Variants in TMTC3 observed in about 807,000 individuals in gnomAD.
TMTC3 encodes protein O-mannosyl-transferase TMTC3.
Under a neutral mutation model 92.2 loss-of-function variants are expected in TMTC3, and 52 were observed. The ratio of observed to expected loss-of-function variants is 0.56; its 90% CI spans 0.45 to 0.71. The LOEUF is 0.71. Ranked by LOEUF, TMTC3 falls within the 30% of genes least tolerant of loss-of-function variation. The pLI is 0.00. For missense variants in TMTC3, 896 were observed against 1,057.1 expected (o/e 0.85, Z 2.11); for synonymous variants, 339 against 363.3 (o/e 0.93, Z 0.76).
chr12:88,142,352 G>C lies in TMTC3; in HGVS notation c.-164G>C. On this transcript the variant is annotated 5_prime_UTR_variant, in exon 1 of 14. Transcript: ENST00000266712. Reference sequence around the variant, plus strand: ...GCGGCGGGGAAGGACCGAGAGGCGGGAGGAGCAGCGGCTCAGGCGCCTGCA... The same window carrying C: ...GCGGCGGGGAAGGACCGAGAGGCGGCAGGAGCAGCGGCTCAGGCGCCTGCA... 6.5e-6 allele frequency: 1 copy of C among 152,818 alleles called. No homozygotes were observed. Among genetic ancestry groups the C allele is most frequent in the East Asian group, 1.9e-4 (1 of 5,196 alleles). 9.5% of individuals were successfully genotyped at this position (152,818 alleles called of 1,614,324 possible).
In TMTC3 at chr12:88,172,745, G is replaced by C. The variant is rs764525645; in HGVS notation, c.1199G>C (p.Ser400Thr). 1 of 1,591,656 alleles carries C rather than the reference G, an allele frequency of 6.3e-7. No homozygotes were observed. The highest frequency in any genetic ancestry group is 1.8e-5 in the Admixed American group (1 of 54,496). ...GGATGGCAGAAAATATCAACAAAAAGGTGAATTTAAATGTCAGTTCATGTA... is the reference window on the plus strand; with the variant it reads ...GGATGGCAGAAAATATCAACAAAAACGTGAATTTAAATGTCAGTTCATGTA... Reference protein sequence around the residue: ...AHGWQKISTKSVFKKLSWICL... With the variant: ...AHGWQKISTKTVFKKLSWICL... The change falls in exon 8 of 14, where the codon AGT becomes ACT. Residue 400 changes from serine (S) to threonine (T), a missense_variant and splice_region_variant. Ser to Thr is a moderately conservative substitution (Grantham distance 58). Transcript: ENST00000266712.
chr12:88,174,777 G>A, intron 9 of TMTC3, 50 bp downstream of exon 9: 2 of 1,603,488 alleles, frequency 1.2e-6, no homozygotes, highest in Non-Finnish European at 1.7e-6. Context: ...GTGATTTCTT[G>A]GAACAATTTC....
chr12:88,169,387 A>C (rs1455164461), intron 7 of TMTC3, among the ~76,000 whole-genome samples: 1 of 152,200 alleles, frequency 6.6e-6, no homozygotes, highest in Non-Finnish European at 1.5e-5. Context: ...TCAGCAAATA[A>C]AATAATGGTG....
intron 4 of TMTC3, among the ~76,000 whole-genome samples, chr12:88,157,343 TGC>T (rs2041023936): frequency 6.6e-6 from 1 of 151,638 alleles, no homozygotes; most frequent in Admixed American, 6.6e-5. Flanking sequence ...CACTGGCCTG[TGC>T]AAAGGTTTTC....
chr12:88,195,835 C>A lies in TMTC3; in HGVS notation c.*186C>A. Reference sequence around the variant, plus strand: ...ATCCCAGGATGTATATTATGTATCGCTGTTTTCAGAGTGTGGGTGAATATA... The same window carrying A: ...ATCCCAGGATGTATATTATGTATCGATGTTTTCAGAGTGTGGGTGAATATA... On this transcript the variant is annotated 3_prime_UTR_variant, in exon 14 of 14. Transcript: ENST00000266712. The A allele has an allele frequency of 2.2e-6, 1 of 446,882 alleles. No homozygotes were observed. The highest frequency in any genetic ancestry group is 3.9e-6 in the Non-Finnish European group (1 of 256,574). 27.7% of individuals were successfully genotyped at this position (446,882 alleles called of 1,614,324 possible).
At chr12:88,177,694 CATT>C (rs2041274979) in intron 10 of TMTC3, among the ~76,000 whole-genome samples, 3 of 152,156 alleles carry the variant, frequency 2.0e-5, no homozygotes, top group African/African-American at 7.2e-5. Flanking sequence ...CAAATGCCAT[CATT>C]ATTTTCCATT....
At chr12:88,153,798 CTTTT>C (rs1173552393) in intron 3 of TMTC3, among the ~76,000 whole-genome samples, 1 of 151,730 alleles carries the variant, frequency 6.6e-6, no homozygotes, top group African/African-American at 2.4e-5. Context: ...TCTTCGGTCA[CTTTT>C]TTTAATGAAC....
intron 2 of TMTC3, among the ~76,000 whole-genome samples, chr12:88,151,135 G>A (rs2040938062): frequency 7.0e-6 from 1 of 142,360 alleles, no homozygotes; most frequent in Non-Finnish European, 1.5e-5. Flanking sequence ...GTCTTATTTT[G>A]TGTGTGTGTG....
intron 13 of TMTC3, among the ~76,000 whole-genome samples, chr12:88,194,065 T>A (rs1342507225): frequency 6.6e-6 from 1 of 151,974 alleles, no homozygotes; most frequent in Non-Finnish European, 1.5e-5. Context: ...CCACAAAAAA[T>A]TTTAAAATCA....
Position 88,197,171 on chromosome 12 carries a change from T to G in TMTC3, c.*1522T>G, listed in dbSNP as rs1470568354. ...TCAAAAACCATATCCTGTATTTTTT[T>G]TAAGAATTGTTTTATAAATAGGTCA... is the stretch of plus-strand genomic sequence containing the variant. On this transcript the variant is annotated 3_prime_UTR_variant, in exon 14 of 14. Coordinates refer to ENST00000266712, the MANE Select transcript of TMTC3 (RefSeq NM_181783.4). The G allele has an allele frequency of 1.3e-5, 2 of 152,102 alleles. No homozygotes were observed. The highest frequency in any genetic ancestry group is 2.4e-5 in the African/African-American group (1 of 41,382). 9.4% of individuals were successfully genotyped at this position (152,102 alleles called of 1,614,324 possible).
intron 1 of TMTC3, among the ~76,000 whole-genome samples, chr12:88,145,970 C>T (rs576034629): frequency 1.3e-5 from 2 of 152,268 alleles, no homozygotes; most frequent in South Asian, 4.1e-4. Context: ...TGTAAGCAAA[C>T]AGAAATCAGT....
chr12:88,154,346 T>C lies in TMTC3; in HGVS notation c.467T>C (p.Phe156Ser). Residue 156 changes from phenylalanine (F) to serine (S), a missense_variant, in exon 4 of 14, where the codon TTT becomes TCT. Transcript: ENST00000266712. ...LLSSIFFLAA[F>S]LSYTRSKGPD... ...TCATCTATCTTTTTTCTAGCAGCTTTTTTGTCATATACCAGATCAAAAGGA... is the reference window on the plus strand; with the variant it reads ...TCATCTATCTTTTTTCTAGCAGCTTCTTTGTCATATACCAGATCAAAAGGA... 1 of 1,609,660 alleles carries C rather than the reference T, an allele frequency of 6.2e-7. No individual in the cohort carries two copies. The highest frequency in any genetic ancestry group is 8.5e-7 in the Non-Finnish European group (1 of 1,178,738).
At chr12:88,147,927 A>G (rs1186224169) in intron 1 of TMTC3, among the ~76,000 whole-genome samples, 1 of 152,068 alleles carries the variant, frequency 6.6e-6, no homozygotes, top group Non-Finnish European at 1.5e-5. Flanking sequence ...ATATGGACAG[A>G]CTTTTTTTTA....
chr12:88,158,388 C>G (rs1191986266), intron 4 of TMTC3, among the ~76,000 whole-genome samples: 2 of 152,052 alleles, frequency 1.3e-5, no homozygotes, highest in Non-Finnish European at 2.9e-5. Flanking sequence ...AAATAACCAT[C>G]TTCTGATTTC....
Position 88,195,398 on chromosome 12 carries a change from A to G in TMTC3, c.2494A>G (p.Lys832Glu), listed in dbSNP as rs1227363249. 1 of 1,613,858 alleles carries G rather than the reference A, an allele frequency of 6.2e-7. No individual in the cohort carries two copies. ...SFIEPIFPTS[K>E]ISSVEGKKIP... ...TATAGAGCCAATATTCCCAACCAGT[A>G]AGATTTCAAGTGTGGAAGGAAAGAA... Residue 832 changes from lysine to glutamate, a missense_variant, in exon 14 of 14, where the codon AAG becomes GAG. Transcript: ENST00000266712.
intron 13 of TMTC3, among the ~76,000 whole-genome samples, chr12:88,193,172 G>A (rs1487357974): frequency 6.6e-6 from 1 of 152,086 alleles, no homozygotes; most frequent in African/African-American, 2.4e-5. Flanking sequence ...ATGAACTTGT[G>A]AAATTTTTTA....
intron 13 of TMTC3, 22 bp downstream of exon 13, chr12:88,192,852 C>T: frequency 6.3e-7 from 1 of 1,576,736 alleles, no homozygotes; most frequent in East Asian, 2.3e-5. Context: ...CAAAATATTT[C>T]TGTTTATATA....
At chr12:88,160,578 A>G in intron 5 of TMTC3, 101 bp from the exon 6 acceptor site, 1 of 1,030,672 alleles carries the variant, frequency 9.7e-7, no homozygotes, top group East Asian at 2.5e-5. Flanking sequence ...TAATTTTATA[A>G]TTATACTTGT....
intron 10 of TMTC3, among the ~76,000 whole-genome samples, chr12:88,179,985 T>G (rs1174595034): frequency 6.6e-6 from 1 of 152,176 alleles, no homozygotes; most frequent in Non-Finnish European, 1.5e-5. Context: ...TTCTGAAGCT[T>G]TTGCAAAACC....
Sources: gnomAD v4.1 joint callset for allele counts (sites outside exome capture counted in the v4.1 genomes callset) on GRCh38, gnomAD v4.1.1 for gene constraint, MANE v1.5 for transcripts, NCBI Gene and HGNC (gene_info 2026-07-23, HGNC 2026-07-21) for gene names.